Variants in SCAPER observed in about 807,000 individuals in gnomAD.
The protein encoded by SCAPER is S-phase cyclin A associated protein in the ER, also known as S phase cyclin A-associated protein in the endoplasmic reticulum.
A neutral mutation model predicts 182.2 loss-of-function variants in SCAPER; 98 were observed. That is an observed-to-expected ratio of 0.54 (90% confidence interval 0.46 to 0.64). The LOEUF is 0.64. Ranked by LOEUF, SCAPER falls within the 30% of genes least tolerant of loss-of-function variation. The probability of loss-of-function intolerance (pLI) is 0.00; values close to 1 mark genes in which losing one functional copy is unlikely to be tolerated. For missense variants in SCAPER, 1,432 were observed against 1,690.0 expected (o/e 0.85, Z 2.68); for synonymous variants, 605 against 564.6 (o/e 1.07, Z -1.01).
chr15:76,427,800 C>T (rs2046543231), intron 26 of SCAPER, among the ~76,000 whole-genome samples: 2 of 151,928 alleles, frequency 1.3e-5, no homozygotes, highest in Admixed American at 6.6e-5. Context: ...ATGAGTGGTA[C>T]CAAGTGCCTG....
At chr15:76,728,487 C>A in intron 17 of SCAPER, 108 bp downstream of exon 17, 1 of 1,444,058 alleles carries the variant, frequency 6.9e-7, no homozygotes, top group Non-Finnish European at 9.5e-7. Flanking sequence ...TGGGGAACAT[C>A]GCAAAACCTC....
chr15:76,524,689 G>GTTTTTTTTTTTTTTTTTTTT (rs35944222), intron 23 of SCAPER, among the ~76,000 whole-genome samples: 9 of 50,116 alleles, frequency 1.8e-4, no homozygotes, highest in South Asian at 1.1e-3. Flanking sequence ...TTTTTGTTCT[G>GTTTTTTTTTTTTTTTTTTTT]TTTTTTTTTT....
At position 76,802,066 on chromosome 15, in the gene SCAPER, CA is replaced by C. The variant is rs538538386; in HGVS notation, c.495-1703del. The stretch of plus-strand genomic sequence containing the variant: ...AATAGGTAACTGAATTTTGCAAGCA[CA>C]AAAAAAAAAATTTTTTTTTAATGCA... On this transcript the variant is annotated intron_variant, in intron 6 of 31. Transcript: ENST00000563290. Among the ~76,000 whole-genome samples the C allele has an allele frequency of 3.4e-3, 482 of 140,272 alleles. 4 individuals are homozygous for C. Among genetic ancestry groups the C allele is most frequent in the African/African-American group, 0.012 (449 of 37,550 alleles). 92.0% of individuals were successfully genotyped at this position (140,272 alleles called of 152,430 possible).
intron 25 of SCAPER, 128 bp from the exon 26 acceptor site, chr15:76,434,438 G>A (rs1163234680): frequency 1.5e-6 from 1 of 666,534 alleles, no homozygotes; most frequent in Non-Finnish European, 2.5e-6. Context: ...TGTTGGCTCT[G>A]AAATCAGACT....
At chr15:76,526,856 GTTTTT>G (rs570754649) in intron 23 of SCAPER, among the ~76,000 whole-genome samples, 4 of 146,314 alleles carry the variant, frequency 2.7e-5, no homozygotes, top group African/African-American at 7.5e-5. Flanking sequence ...TTTTCAAATA[GTTTTT>G]TTTTTTATTT....
At chr15:76,890,233 C>T (rs1470561399) in intron 1 of SCAPER, among the ~76,000 whole-genome samples, 2 of 152,166 alleles carry the variant, frequency 1.3e-5, no homozygotes, top group African/African-American at 4.8e-5. Flanking sequence ...CTAAAATCTG[C>T]ACCCTAACAA....
chr15:76,615,492 GACAC>G (rs200914871), intron 22 of SCAPER, among the ~76,000 whole-genome samples: 45,947 of 140,184 alleles, frequency 0.33, 7,480 homozygotes, highest in South Asian at 0.48. Flanking sequence ...CACACACACA[GACAC>G]ACACACACAC....
chr15:76,490,107 A>G lies in SCAPER; in HGVS notation c.2954+14752T>C, dbSNP rs144415173. 2.4e-3 allele frequency among the ~76,000 whole-genome samples: 370 copies of G among 152,322 alleles called. 2 individuals carry two copies. The highest frequency in any genetic ancestry group is 7.9e-3 in the African/African-American group (328 of 41,580). On this transcript the variant is annotated intron_variant, in intron 24 of 31. Coordinates refer to ENST00000563290, the MANE Select transcript of SCAPER (RefSeq NM_020843.4). ...TTGTCAATAGTGCTGAAATAAATAC[A>G]GAAGTGGTAATATCTCTTTGAGATT...
At chr15:76,618,325 G>T (rs775396770) in intron 22 of SCAPER, among the ~76,000 whole-genome samples, 1 of 152,116 alleles carries the variant, frequency 6.6e-6, no homozygotes, top group Admixed American at 6.5e-5. Flanking sequence ...ATGTGTGAGT[G>T]CAGCTTTAAA....
At chr15:76,694,161 G>T (rs1051183078) in intron 20 of SCAPER, among the ~76,000 whole-genome samples, 14 of 151,466 alleles carry the variant, frequency 9.2e-5, no homozygotes, top group Admixed American at 9.2e-4. Context: ...GGATTACATT[G>T]AATCTATAGA....
intron 21 of SCAPER, among the ~76,000 whole-genome samples, chr15:76,631,405 C>T (rs1009722200): frequency 3.2e-4 from 49 of 152,088 alleles, no homozygotes; most frequent in African/African-American, 9.2e-4. Flanking sequence ...TGTATGTCAG[C>T]GTGTTTTTGT....
chr15:76,830,169 C>G (rs2068336680), intron 5 of SCAPER, among the ~76,000 whole-genome samples: 1 of 151,958 alleles, frequency 6.6e-6, no homozygotes, highest in Non-Finnish European at 1.5e-5. Flanking sequence ...CATGCAAGGA[C>G]ATGATATGGT....
intron 5 of SCAPER, among the ~76,000 whole-genome samples, chr15:76,826,290 T>G (rs1166182179): frequency 2.6e-5 from 4 of 151,462 alleles, no homozygotes; most frequent in African/African-American, 9.7e-5. Context: ...GAAATCATCA[T>G]TCTCAGTAAA....
At chr15:76,536,492 G>A (rs2044173448) in intron 23 of SCAPER, among the ~76,000 whole-genome samples, 2 of 152,208 alleles carry the variant, frequency 1.3e-5, no homozygotes. Flanking sequence ...TAATGGTAAT[G>A]AGTTATGAGA....
chr15:76,585,364 C>T (rs1036837653), intron 22 of SCAPER, among the ~76,000 whole-genome samples: 16 of 151,972 alleles, frequency 1.1e-4, no homozygotes, highest in African/African-American at 3.9e-4. Context: ...CAGCATACTT[C>T]TTTTACCTTC....
chr15:76,491,077 T>C lies in SCAPER; in HGVS notation c.2954+13782A>G, dbSNP rs376422941. ...TAAATATTGTGCTGAAAATTTCTGG[T>C]GATTTAATCAATAAAGAATAATTTC... is the stretch of plus-strand genomic sequence containing the variant. On this transcript the variant is annotated intron_variant, in intron 24 of 31. Transcript: ENST00000563290. Among the ~76,000 whole-genome samples, 19 of 152,254 alleles carry C rather than the reference T, an allele frequency of 1.2e-4. No homozygotes were observed. The East Asian group carries it at 3.5e-3, about 28-fold the overall frequency.
intron 4 of SCAPER, among the ~76,000 whole-genome samples, chr15:76,853,553 G>GAA (rs776104865): frequency 7.3e-6 from 1 of 137,368 alleles, no homozygotes; most frequent in Non-Finnish European, 1.6e-5. Flanking sequence ...CAGAACTAAA[G>GAA]AAAAAAAAAA....
intron 20 of SCAPER, among the ~76,000 whole-genome samples, chr15:76,690,250 A>G (rs2058278991): frequency 1.3e-5 from 2 of 152,206 alleles, no homozygotes; most frequent in Middle Eastern, 3.4e-3. Flanking sequence ...CAGGGTAATC[A>G]TGAGAAAAAA....
chr15:76,732,576 G>T (rs1316918486), intron 16 of SCAPER, among the ~76,000 whole-genome samples: 1 of 152,096 alleles, frequency 6.6e-6, no homozygotes, highest in Non-Finnish European at 1.5e-5. Context: ...GCGGACCGTG[G>T]TCTAGCGGTA....
Sources: gnomAD v4.1 joint callset for allele counts (sites outside exome capture counted in the v4.1 genomes callset) on GRCh38, gnomAD v4.1.1 for gene constraint, MANE v1.5 for transcripts, NCBI Gene and HGNC (gene_info 2026-07-23, HGNC 2026-07-21) for gene names.